The following ZBTB20 variants were observed in gnomAD, a reference collection of about 807,000 sequenced individuals.
ZBTB20 encodes the protein zinc finger and BTB domain containing 20.
In ZBTB20, 9 loss-of-function variants were observed where a neutral mutation model predicts 56.9. The observed-to-expected ratio is 0.16, with a 90% confidence interval of 0.10 to 0.28. ZBTB20 has a LOEUF of 0.28. ZBTB20 is among the 10% of genes least tolerant of loss of function. The pLI, the probability that ZBTB20 is intolerant of heterozygous loss-of-function variation, is 1.00. For synonymous variants in ZBTB20, 417 were observed against 420.7 expected, an observed-to-expected ratio of 0.99 and a Z score of 0.11; for missense variants, 655 against 1,003.0, an observed-to-expected ratio of 0.65 and a Z score of 4.69.
chr3:114,716,358 G>A (rs575666181), intron 5 of ZBTB20, among the ~76,000 whole-genome samples: 1 of 152,138 alleles, frequency 6.6e-6, no homozygotes, highest in Non-Finnish European at 1.5e-5. Flanking sequence ...CAGGCCTCCA[G>A]AGGACCAGCG....
chr3:114,572,261 T>G (rs2053523924), intron 6 of ZBTB20, among the ~76,000 whole-genome samples: 1 of 152,212 alleles, frequency 6.6e-6, no homozygotes, highest in Non-Finnish European at 1.5e-5. Context: ...GTTCATAACT[T>G]GGTGATATCA....
At chr3:114,704,372 T>A (rs2063583071) in intron 5 of ZBTB20, among the ~76,000 whole-genome samples, 1 of 150,316 alleles carries the variant, frequency 6.7e-6, no homozygotes, top group Non-Finnish European at 1.5e-5. Context: ...AGACATATAT[T>A]TATATATATA....
chr3:114,679,546 CT>C (rs541881473), intron 6 of ZBTB20, among the ~76,000 whole-genome samples: 116 of 152,310 alleles, frequency 7.6e-4, no homozygotes, highest in African/African-American at 2.5e-3. Context: ...CTCATCATCA[CT>C]GGTCAATAGA....
At chr3:114,484,295 G>A (rs994793333) in intron 7 of ZBTB20, among the ~76,000 whole-genome samples, 1 of 152,100 alleles carries the variant, frequency 6.6e-6, no homozygotes, top group Non-Finnish European at 1.5e-5. Context: ...ACCCACCAAC[G>A]TAATAAAAGC....
chr3:114,357,119 G>A (rs1242515014), intron 10 of ZBTB20: 1 of 152,224 alleles, frequency 6.6e-6, no homozygotes, highest in Non-Finnish European at 1.5e-5. Flanking sequence ...GGGTGAAAAG[G>A]GGGGTGTTTT....
chr3:115,079,466 G>T (rs1419996836), intron 1 of ZBTB20, among the ~76,000 whole-genome samples: 5 of 152,062 alleles, frequency 3.3e-5, no homozygotes, highest in Non-Finnish European at 7.4e-5. Flanking sequence ...TCAGCTCACT[G>T]CATCCTCCGC....
intron 4 of ZBTB20, among the ~76,000 whole-genome samples, chr3:114,853,705 C>T (rs2075114701): frequency 6.6e-6 from 1 of 152,160 alleles, no homozygotes; most frequent in African/African-American, 2.4e-5. Context: ...AAAATCTAAA[C>T]TAAACTTTAG....
intron 1 of ZBTB20, among the ~76,000 whole-genome samples, chr3:115,144,555 T>C (rs535363842): frequency 6.3e-4 from 96 of 152,310 alleles, no homozygotes; most frequent in Middle Eastern, 3.4e-3. Context: ...CATCAACTGG[T>C]AGTTCTAAAC....
At position 114,793,248 on chromosome 3, in the gene ZBTB20, C is replaced by T. The variant is rs553981226; in HGVS notation, c.-343+7853G>A. ...TCATAGGCCTTTACCTCTGATCACA[C>T]TATAAGGCTTTAATTAAGTTAGTCT... On this transcript the variant is annotated intron_variant, in intron 5 of 11. Transcript: ENST00000675478. Among the ~76,000 whole-genome samples the T allele has an allele frequency of 2.6e-5, 4 of 152,218 alleles. No homozygotes were observed. In the South Asian group the frequency reaches 8.3e-4, roughly 32 times the overall value.
chr3:114,556,954 T>C (rs2051308772), intron 6 of ZBTB20, among the ~76,000 whole-genome samples: 1 of 152,028 alleles, frequency 6.6e-6, no homozygotes, highest in Admixed American at 6.6e-5. Flanking sequence ...ATGTGAAGTG[T>C]CAGCCAGAAA....
chr3:114,479,619 T>C (rs781733612), intron 7 of ZBTB20, among the ~76,000 whole-genome samples: 5 of 152,246 alleles, frequency 3.3e-5, no homozygotes, highest in Non-Finnish European at 7.3e-5. Context: ...TGTCTGAATA[T>C]ATGTGTTCAG....
At chr3:114,974,787 C>T (rs1371477412) in intron 2 of ZBTB20, among the ~76,000 whole-genome samples, 2 of 152,046 alleles carry the variant, frequency 1.3e-5, no homozygotes, top group African/African-American at 4.8e-5. Flanking sequence ...AGAGAGTTCG[C>T]AAAGTTCTAT....
intron 2 of ZBTB20, among the ~76,000 whole-genome samples, chr3:115,010,995 ATACAATT>A (rs71146348): frequency 0.044 from 6,729 of 152,002 alleles, 236 homozygotes; most frequent in Non-Finnish European, 0.06. Context: ...GAGCTTTAAC[ATACAATT>A]GGCCTACTAA....
At chr3:114,547,698 C>T (rs896049976) in intron 6 of ZBTB20, among the ~76,000 whole-genome samples, 2 of 152,070 alleles carry the variant, frequency 1.3e-5, no homozygotes, top group Non-Finnish European at 2.9e-5. Context: ...TACATAACAG[C>T]TTACAATTTT....
chr3:114,632,063 C>T (rs905679375), intron 6 of ZBTB20, among the ~76,000 whole-genome samples: 4 of 152,160 alleles, frequency 2.6e-5, no homozygotes, highest in Non-Finnish European at 4.4e-5. Flanking sequence ...AGGTCAGGAC[C>T]ACAGAACATC....
intron 4 of ZBTB20, among the ~76,000 whole-genome samples, chr3:114,899,023 A>G (rs527872968): frequency 2.0e-4 from 30 of 152,278 alleles, no homozygotes; most frequent in African/African-American, 6.0e-4. Flanking sequence ...TATCAAAAAT[A>G]TAGATATCTG....
intron 10 of ZBTB20, chr3:114,357,123 G>C (rs988199514): frequency 1.3e-5 from 2 of 152,208 alleles, no homozygotes; most frequent in Non-Finnish European, 2.9e-5. Context: ...GAAAAGGGGG[G>C]TGTTTTGGGC....
chr3:115,031,615 A>C (rs1270497608), intron 2 of ZBTB20, among the ~76,000 whole-genome samples: 2 of 151,606 alleles, frequency 1.3e-5, no homozygotes, highest in East Asian at 3.9e-4. Flanking sequence ...TTGTTTCATA[A>C]AACTATTATC....
At chr3:114,908,611 C>A (rs558415625) in intron 3 of ZBTB20, among the ~76,000 whole-genome samples, 110 of 151,834 alleles carry the variant, frequency 7.2e-4, no homozygotes, top group Non-Finnish European at 7.1e-4. Flanking sequence ...AATATCAAAT[C>A]CGAAGAAAGG....
Sources: gnomAD v4.1 joint callset for allele counts (sites outside exome capture counted in the v4.1 genomes callset) on GRCh38, gnomAD v4.1.1 for gene constraint, MANE v1.5 for transcripts, NCBI Gene and HGNC (gene_info 2026-07-23, HGNC 2026-07-21) for gene names.